The following TCF3 variants were observed in gnomAD, a reference collection of about 807,000 sequenced individuals.
The protein encoded by TCF3 is transcription factor E2-alpha.
A neutral mutation model predicts 72.3 loss-of-function variants in TCF3; 54 were observed. The observed-to-expected ratio is 0.75, with a 90% CI of 0.60 to 0.94. The LOEUF (loss-of-function observed/expected upper bound fraction) is 0.94, where lower values mean the gene tolerates loss of function less well. TCF3 is among the 40% of genes least tolerant of loss of function. The pLI is 0.00. For synonymous variants in TCF3, 525 were observed against 412.6 expected, an observed-to-expected ratio of 1.27 and a Z score of -3.30; for missense variants, 1,078 against 934.4, an observed-to-expected ratio of 1.15 and a Z score of -2.00.
intron 3 of TCF3, among the ~76,000 whole-genome samples, chr19:1,633,377 C>T (rs772933234): frequency 3.3e-5 from 5 of 152,120 alleles, no homozygotes; most frequent in African/African-American, 7.2e-5. Context: ...AGAGGCTTCC[C>T]GAGAGCCAGG....
chr19:1,616,904 G>A (rs1178662851), intron 16 of TCF3, among the ~76,000 whole-genome samples: 1 of 152,326 alleles, frequency 6.6e-6, no homozygotes, highest in African/African-American at 2.4e-5. Flanking sequence ...CACAGATGTA[G>A]CCAACCAGGA....
intron 2 of TCF3, among the ~76,000 whole-genome samples, chr19:1,648,367 G>GAGAGGA (rs1396826826): frequency 6.6e-6 from 1 of 152,158 alleles, no homozygotes; most frequent in African/African-American, 2.4e-5. Flanking sequence ...GGGACGCCCG[G>GAGAGGA]AGAGGACGGG....
At chr19:1,651,239 A>C (rs1208628877) in intron 1 of TCF3, 2 of 226,834 alleles carry the variant, frequency 8.8e-6, no homozygotes, top group Admixed American at 5.7e-5. Context: ...GACTTTCCCC[A>C]GGGGTCCCCA....
chr19:1,616,286 A>G (rs867829623), intron 16 of TCF3, among the ~76,000 whole-genome samples: 1 of 151,980 alleles, frequency 6.6e-6, no homozygotes, highest in African/African-American at 2.4e-5. Context: ...CATCCTGGCT[A>G]ACATGGTGAA....
At position 1,611,807 on chromosome 19, in the gene TCF3, T is replaced by C; in HGVS notation, c.1865A>G (p.Glu622Gly). 2 of 1,613,206 alleles carry C rather than the reference T, an allele frequency of 1.2e-6. No homozygotes were observed. Among genetic ancestry groups the C allele is most frequent in the South Asian group, 1.1e-5 (1 of 91,028 alleles). ...NPKAACLKRR[E>G]EEKVSGVVGD... Reference sequence around the variant, plus strand: ...AACCACACCTGACACCTTTTCCTCTTCTCGCCGTTTCAAACAGGCTGCTTT... The same window carrying C: ...AACCACACCTGACACCTTTTCCTCTCCTCGCCGTTTCAAACAGGCTGCTTT... The change falls in exon 19 of 19, where the codon GAA becomes GGA. Residue 622 changes from glutamate to glycine, a missense_variant. By Grantham distance (98) the Glu-to-Gly change is moderately conservative. Transcript: ENST00000262965.
chr19:1,622,328 G>C lies in TCF3; in HGVS notation c.637C>G (p.Pro213Ala). 2.0e-6 allele frequency: 3 copies of C among 1,534,526 alleles called. No homozygotes were observed. The highest frequency in any genetic ancestry group is 2.6e-6 in the Non-Finnish European group (3 of 1,140,750). ...TGCCATGTACCTGCCACGTAGAAGG[G>C]GGCGGGATAGGTGCTGCTGGGGGTC... is the stretch of plus-strand genomic sequence containing the variant. ...AKTPSSTYPA[P>A]FYVADGSLHP... is the part of the protein sequence containing the mutation. The change falls in exon 9 of 19, where the codon CCC becomes GCC. Residue 213 changes from proline to alanine, a missense_variant. By Grantham distance (27) the Pro-to-Ala change is conservative (BLOSUM62 -1). Transcript: ENST00000262965.
In TCF3 at chr19:1,621,914, G is replaced by C. The variant is rs2062277262; in HGVS notation, c.879C>G (p.Phe293Leu). The C allele has an allele frequency of 6.2e-6, 10 of 1,602,972 alleles. 1 individual carries two copies. In the African/African-American group the frequency reaches 1.2e-4, roughly 19 times the overall value. ...VNGGLPSASSFSSAPGATYGG... is the reference protein window; with the variant it reads ...VNGGLPSASSLSSAPGATYGG... ...CGTACGTGGCTCCGGGGGCTGAGGAGAAGGAGGATGCAGATGGGAGCCCAC... is the reference window on the plus strand; with the variant it reads ...CGTACGTGGCTCCGGGGGCTGAGGACAAGGAGGATGCAGATGGGAGCCCAC... The change falls in exon 11 of 19, where the codon TTC becomes TTG. Residue 293 changes from phenylalanine (F) to leucine (L), a missense_variant. Physicochemically the swap from Phe to Leu is conservative, Grantham distance 22. Coordinates refer to ENST00000262965, the MANE Select transcript of TCF3 (RefSeq NM_003200.5).
chr19:1,627,006 T>C (rs956101651), intron 6 of TCF3, among the ~76,000 whole-genome samples: 1 of 152,060 alleles, frequency 6.6e-6, no homozygotes, highest in African/African-American at 2.4e-5. Context: ...CCAGCGTGGG[T>C]GAGGATCTCG....
intron 2 of TCF3, among the ~76,000 whole-genome samples, chr19:1,649,970 G>C (rs148819147): frequency 6.6e-6 from 1 of 152,166 alleles, no homozygotes; most frequent in South Asian, 2.1e-4. Flanking sequence ...TGCTGCGTCC[G>C]GGCAAAAGCC....
At chr19:1,651,096 G>C (rs1007394687) in intron 1 of TCF3, 1 of 232,292 alleles carries the variant, frequency 4.3e-6, no homozygotes, top group East Asian at 6.1e-5. Flanking sequence ...GGGTGCTCCC[G>C]CGTGGTCCCA....
rs1809287165 is a variant in TCF3 at position 1,620,952 on chromosome 19, CA to C, written c.1093+15del. 1 of 1,482,244 alleles carries C rather than the reference CA, an allele frequency of 6.7e-7. No homozygotes were observed. The highest frequency in any genetic ancestry group is 8.9e-7 in the Non-Finnish European group (1 of 1,117,994). The allele number at this position is 1,482,244 out of a possible 1,614,324, so 91.8% of individuals were successfully genotyped here. On this transcript the variant is annotated intron_variant, in intron 13 of 18. Transcript: ENST00000262965. Reference sequence around the variant, plus strand: ...CACAGACCTCAGCCTCCCCTCCCCCCAAAACCCTCACAGACCTGCCAGGCCC... The same window carrying C: ...CACAGACCTCAGCCTCCCCTCCCCCCAAACCCTCACAGACCTGCCAGGCCC...
At chr19:1,641,037 C>G (rs942125636) in intron 3 of TCF3, among the ~76,000 whole-genome samples, 4 of 151,754 alleles carry the variant, frequency 2.6e-5, no homozygotes, top group African/African-American at 9.7e-5. Flanking sequence ...ATATTCCCAG[C>G]TACTCAGGAG....
rs2062489426 is a variant in TCF3, at chr19:1,623,381, GCTTT to G, written c.549+566_549+569del. Among the ~76,000 whole-genome samples, 3 of 144,842 alleles carry G rather than the reference GCTTT, an allele frequency of 2.1e-5. 1 individual carries two copies. Among genetic ancestry groups the G allele is most frequent in the South Asian group, 4.4e-4 (2 of 4,592 alleles). On this transcript the variant is annotated intron_variant, in intron 8 of 18. Transcript: ENST00000262965. Reference sequence around the variant, plus strand: ...GGGAGCCCCAATTGCGGCACCCCCCGCTTTTTTTTTTTTTTTTTTTGAGACAGAG... The same window carrying G: ...GGGAGCCCCAATTGCGGCACCCCCCGTTTTTTTTTTTTTTTTGAGACAGAG...
chr19:1,632,346 A>C lies in TCF3; in HGVS notation c.205T>G (p.Phe69Val), dbSNP rs764741799. 1.9e-6 allele frequency: 3 copies of C among 1,589,936 alleles called. No homozygotes were observed. The African/African-American group carries it at 4.0e-5, about 21-fold the overall frequency. The change falls in exon 4 of 19, where the codon TTT (phenylalanine) becomes GTT (valine). Residue 69 changes from phenylalanine to valine, a missense_variant. Coordinates refer to ENST00000262965, the MANE Select transcript of TCF3 (RefSeq NM_003200.5). ...WGSGDQSSSSFDPSRTFSEGT... is the reference protein window; with the variant it reads ...WGSGDQSSSSVDPSRTFSEGT... The stretch of plus-strand genomic sequence containing the variant: ...GGGACTCCTACCCGGCTGGGGTCAA[A>C]GGAGGAGCTGCTCTGGTCGCCGCTG...
At chr19:1,618,254 C>A (rs539246000) in intron 16 of TCF3, among the ~76,000 whole-genome samples, 2 of 152,234 alleles carry the variant, frequency 1.3e-5, no homozygotes, top group African/African-American at 4.8e-5. Context: ...ATCCTGTGGG[C>A]CCCGCCTTCA....
chr19:1,619,307 A>G lies in TCF3; in HGVS notation c.1326+9T>C. 1 of 1,568,826 alleles carries G rather than the reference A, an allele frequency of 6.4e-7. No homozygotes were observed. Among genetic ancestry groups the G allele is most frequent in the South Asian group, 1.1e-5 (1 of 87,722 alleles). ...CCACTGCCCAGCTCCACCCTCGCCC[A>G]GCGCTCACCAGGCCTGCGTGCCGCC... On this transcript the variant is annotated intron_variant, in intron 15 of 18. Transcript: ENST00000262965.
chr19:1,627,224 CAAG>C, intron 6 of TCF3, 132 bp downstream of exon 6: 5 of 650,506 alleles, frequency 7.7e-6, no homozygotes, highest in Non-Finnish European at 1.0e-5. Context: ...CACCCTGGCC[CAAG>C]CCCAGCCTGG....
intron 8 of TCF3, 31 bp downstream of exon 8, chr19:1,623,920 T>A: frequency 6.2e-7 from 1 of 1,611,012 alleles, no homozygotes; most frequent in South Asian, 1.1e-5. Flanking sequence ...ACTGACGAGC[T>A]GTGGGGTCCC....
At chr19:1,647,352 C>T (rs1013665821) in intron 2 of TCF3, among the ~76,000 whole-genome samples, 5 of 152,248 alleles carry the variant, frequency 3.3e-5, no homozygotes, top group African/African-American at 1.2e-4. Flanking sequence ...TGGCTGGAAT[C>T]AGAGCCAGGG....
Sources: gnomAD v4.1 joint callset for allele counts (sites outside exome capture counted in the v4.1 genomes callset) on GRCh38, gnomAD v4.1.1 for gene constraint, MANE v1.5 for transcripts, NCBI Gene and HGNC (gene_info 2026-07-23, HGNC 2026-07-21) for gene names.